Variants in CSMD1 observed in about 807,000 individuals in gnomAD.
CSMD1 encodes CUB and Sushi multiple domains 1.
Under a neutral mutation model 417.5 loss-of-function variants are expected in CSMD1, and 213 were observed. The observed-to-expected ratio is 0.51, with a 90% CI of 0.46 to 0.57. The LOEUF is 0.57. CSMD1 is among the 20% of genes least tolerant of loss of function. The pLI, the probability that CSMD1 is intolerant of heterozygous loss-of-function variation, is 0.00. For synonymous variants in CSMD1, 2,862 were observed against 1,736.8 expected, an observed-to-expected ratio of 1.65 and a Z score of -16.11; for missense variants, 6,923 against 4,529.7, an observed-to-expected ratio of 1.53 and a Z score of -15.17.
Position 2,978,267 on chromosome 8 carries a change from T to C in CSMD1, c.8566+345A>G, listed in dbSNP as rs1025391668. Among the ~76,000 whole-genome samples the C allele has an allele frequency of 3.2e-4, 49 of 152,160 alleles. 1 individual carries two copies. The highest frequency in any genetic ancestry group is 4.4e-5 in the Non-Finnish European group (3 of 68,018). ...AGTAAGACGCCTGGCGGGGAGGTCC[T>C]GGCTGCCGTGTCTGAGCTGTGTGGA... On this transcript the variant is annotated intron_variant, in intron 55 of 69. Transcript: ENST00000635120.
intron 3 of CSMD1, among the ~76,000 whole-genome samples, chr8:4,226,083 C>G (rs946031447): frequency 1.3e-5 from 2 of 149,410 alleles, no homozygotes; most frequent in African/African-American, 5.1e-5. Context: ...CACACACACA[C>G]ACACACACAC....
chr8:4,144,577 C>T (rs189618353), intron 3 of CSMD1, among the ~76,000 whole-genome samples: 1 of 151,030 alleles, frequency 6.6e-6, no homozygotes, highest in Admixed American at 6.6e-5. Flanking sequence ...CTGGATTGCT[C>T]AGCTACTGTT....
At chr8:4,138,408 C>G (rs548788196) in intron 3 of CSMD1, among the ~76,000 whole-genome samples, 8 of 152,152 alleles carry the variant, frequency 5.3e-5, no homozygotes, top group Admixed American at 2.0e-4. Context: ...ACGTCCAGTT[C>G]TGAGCTCTCA....
intron 10 of CSMD1, among the ~76,000 whole-genome samples, chr8:3,544,486 C>T (rs1342760425): frequency 2.6e-5 from 4 of 151,786 alleles, no homozygotes; most frequent in Admixed American, 2.0e-4. Context: ...CTTGCTCTTT[C>T]CCAGTTGACG....
At chr8:4,818,902 G>C (rs1032490719) in intron 1 of CSMD1, among the ~76,000 whole-genome samples, 2 of 152,192 alleles carry the variant, frequency 1.3e-5, no homozygotes, top group East Asian at 3.8e-4. Context: ...AGTTTAAGTG[G>C]TGAGAACAAG....
chr8:4,341,674 C>T (rs1036311115), intron 3 of CSMD1, among the ~76,000 whole-genome samples: 28 of 152,170 alleles, frequency 1.8e-4, no homozygotes, highest in African/African-American at 6.0e-4. Flanking sequence ...TTCAGCAAAG[C>T]GACGCAGTCA....
intron 51 of CSMD1, among the ~76,000 whole-genome samples, chr8:3,025,955 G>A (rs1322447609): frequency 6.6e-6 from 1 of 152,020 alleles, no homozygotes; most frequent in Non-Finnish European, 1.5e-5. Context: ...AAGGTCTTTG[G>A]GGTCCAGTGG....
At chr8:3,600,266 A>C (rs1801298259) in intron 8 of CSMD1, among the ~76,000 whole-genome samples, 1 of 152,208 alleles carries the variant, frequency 6.6e-6, no homozygotes. Flanking sequence ...AAGCTTAGGT[A>C]AAATTCCTCA....
At chr8:4,746,689 C>A (rs1450335161) in intron 1 of CSMD1, among the ~76,000 whole-genome samples, 3 of 152,130 alleles carry the variant, frequency 2.0e-5, no homozygotes, top group African/African-American at 7.2e-5. Flanking sequence ...TGCTGCTGAG[C>A]ACATACTCTG....
At position 2,937,098 on chromosome 8, in the gene CSMD1, C is replaced by A. The variant is rs1270666743; in HGVS notation, c.*1487G>T. ...TTTCACTTTGAATTTGTTACATAAACTACCTCACGGCCACATCTTCTACTT... is the reference window on the plus strand; with the variant it reads ...TTTCACTTTGAATTTGTTACATAAAATACCTCACGGCCACATCTTCTACTT... On this transcript the variant is annotated 3_prime_UTR_variant, in exon 70 of 70. Coordinates refer to ENST00000635120, the MANE Select transcript of CSMD1 (RefSeq NM_033225.6). 1 of 152,156 alleles carries A rather than the reference C, an allele frequency of 6.6e-6. No homozygotes were observed. Among genetic ancestry groups the A allele is most frequent in the Non-Finnish European group, 1.5e-5 (1 of 68,018 alleles). 9.4% of individuals were successfully genotyped at this position (152,156 alleles called of 1,614,324 possible).
At chr8:3,866,341 C>T (rs1412790212) in intron 5 of CSMD1, among the ~76,000 whole-genome samples, 1 of 152,212 alleles carries the variant, frequency 6.6e-6, no homozygotes, top group Non-Finnish European at 1.5e-5. Flanking sequence ...ATTGGCATTT[C>T]TGTCCTTTTA....
intron 3 of CSMD1, among the ~76,000 whole-genome samples, chr8:4,061,040 T>A (rs1050938918): frequency 1.4e-5 from 2 of 144,964 alleles, no homozygotes; most frequent in African/African-American, 5.1e-5. Context: ...TGTGATTAAT[T>A]TATGATGTAC....
At chr8:4,058,099 C>T (rs1490691203) in intron 3 of CSMD1, among the ~76,000 whole-genome samples, 2 of 152,098 alleles carry the variant, frequency 1.3e-5, no homozygotes, top group African/African-American at 4.8e-5. Context: ...ATGGGGATGG[C>T]ATTGAATCTA....
chr8:2,940,276 C>T (rs1429285030), intron 69 of CSMD1, among the ~76,000 whole-genome samples: 2 of 152,194 alleles, frequency 1.3e-5, no homozygotes, highest in Non-Finnish European at 2.9e-5. Flanking sequence ...CCATCCCTCG[C>T]TCCTATGGCA....
At chr8:4,699,529 T>C (rs1169256920) in intron 1 of CSMD1, among the ~76,000 whole-genome samples, 1 of 152,206 alleles carries the variant, frequency 6.6e-6, no homozygotes, top group East Asian at 1.9e-4. Flanking sequence ...GCTTATGTTC[T>C]TTTCTGTCTT....
chr8:3,785,176 A>G (rs1799387612), intron 5 of CSMD1, among the ~76,000 whole-genome samples: 1 of 152,210 alleles, frequency 6.6e-6, no homozygotes, highest in Admixed American at 6.5e-5. Context: ...TGTCTGCATG[A>G]TGGAGATGAT....
intron 17 of CSMD1, among the ~76,000 whole-genome samples, chr8:3,391,076 G>A (rs546455764): frequency 1.9e-4 from 29 of 152,100 alleles, no homozygotes; most frequent in African/African-American, 6.7e-4. Context: ...AGCATGCATG[G>A]GCATGTTATA....
At chr8:4,450,888 G>A (rs548038829) in intron 2 of CSMD1, among the ~76,000 whole-genome samples, 80 of 152,096 alleles carry the variant, frequency 5.3e-4, no homozygotes, top group Middle Eastern at 3.4e-3. Context: ...ACCAGATTGC[G>A]CTAATATAAA....
chr8:3,950,581 G>C (rs889269784), intron 5 of CSMD1, among the ~76,000 whole-genome samples: 4 of 152,174 alleles, frequency 2.6e-5, no homozygotes, highest in African/African-American at 9.6e-5. Flanking sequence ...TAGCAATATT[G>C]CGTGAAATAT....
Sources: allele counts gnomAD v4.1 joint callset (sites outside exome capture counted in the v4.1 genomes callset), GRCh38; gene constraint gnomAD v4.1.1; transcripts MANE v1.5; gene names NCBI Gene and HGNC (gene_info 2026-07-23, HGNC 2026-07-21).